Variants in MLYCD observed in about 807,000 individuals in gnomAD.
MLYCD encodes malonyl-CoA decarboxylase.
MLYCD carries 27 observed loss-of-function variants against 35.8 expected under a neutral mutation model. The observed-to-expected ratio is 0.75, with a 90% CI of 0.56 to 1.04. The LOEUF is 1.04. Among genes scored for constraint, MLYCD ranks in the 50% least tolerant of loss-of-function variants. MLYCD has a pLI of 0.00. For synonymous variants in MLYCD, 403 were observed against 302.4 expected (o/e 1.33, Z -3.45); for missense variants, 917 against 665.1 (o/e 1.38, Z -4.17).
At chr16:83,913,820 AAAC>A (rs1907271921) in intron 4 of MLYCD, 1 of 151,782 alleles carries the variant, frequency 6.6e-6, no homozygotes, top group African/African-American at 2.4e-5. Context: ...AAAAAAAAAA[AAAC>A]AGTGGTTCGG....
rs386385269 is a variant in MLYCD, at chr16:83,902,155, GTATATATATATA to G, written c.528+2507_528+2518del. On this transcript the variant is annotated intron_variant, in intron 1 of 4. Transcript: ENST00000262430. ...TATGTGTGTGTGTGTGTGTGCGTGC[GTATATATATATA>G]TATATATATATATATATATATATGG... 2.4e-3 allele frequency among the ~76,000 whole-genome samples: 206 copies of G among 87,330 alleles called. 1 individual carries two copies. Among genetic ancestry groups the G allele is most frequent in the East Asian group, 0.011 (36 of 3,196 alleles). 57.3% of individuals were successfully genotyped at this position (87,330 alleles called of 152,430 possible). A position where few individuals can be genotyped will look rare whatever the true frequency, so the allele number is the denominator to read the frequency against.
chr16:83,925,266 T>G lies in MLYCD; in HGVS notation c.*9777T>G, dbSNP rs997691622. ...GATGCCCTCCCTCCAAAACCTGGCCTCCTCCAGCTGTTCCTTCCTGGCGAG... is the reference window on the plus strand; with the variant it reads ...GATGCCCTCCCTCCAAAACCTGGCCGCCTCCAGCTGTTCCTTCCTGGCGAG... On this transcript the variant is annotated 3_prime_UTR_variant, in exon 5 of 5. Transcript: ENST00000262430. The G allele has an allele frequency of 7.9e-5, 12 of 152,584 alleles. No individual in the cohort carries two copies. Among genetic ancestry groups the G allele is most frequent in the Admixed American group, 2.0e-4 (3 of 15,276 alleles). The allele number at this position is 152,584 out of a possible 1,614,324, so 9.5% of individuals were successfully genotyped here.
In MLYCD at chr16:83,916,217, T is replaced by G. The variant is rs576113736; in HGVS notation, c.*728T>G. The G allele has an allele frequency of 2.0e-6, 2 of 987,190 alleles. No homozygotes were observed. The highest frequency in any genetic ancestry group is 3.5e-5 in the African/African-American group (2 of 57,098). The allele number at this position is 987,190 out of a possible 1,614,324, so 61.2% of individuals were successfully genotyped here. A position where few individuals can be genotyped will look rare whatever the true frequency, so the allele number is the denominator to read the frequency against. The stretch of plus-strand genomic sequence containing the variant: ...GTGTAGTGGTGGTCGTCTTTAAGAT[T>G]AGAGACCTGGGAAGGCTGGAATCAG... On this transcript the variant is annotated 3_prime_UTR_variant, in exon 5 of 5. Coordinates refer to ENST00000262430, the MANE Select transcript of MLYCD (RefSeq NM_012213.3).
chr16:83,911,556 G>GTGGTCGCCGTAT, intron 3 of MLYCD: 5 of 154,242 alleles, frequency 3.2e-5, no homozygotes, highest in Admixed American at 1.3e-4. Flanking sequence ...AGAATGAGAG[G>GTGGTCGCCGTAT]CAATAAACTC....
At chr16:83,910,361 A>C (rs1907130568) in intron 3 of MLYCD, among the ~76,000 whole-genome samples, 1 of 152,064 alleles carries the variant, frequency 6.6e-6, no homozygotes, top group Non-Finnish European at 1.5e-5. Context: ...TTTTTGCATA[A>C]GGAATCACAA....
chr16:83,910,246 T>A (rs1256746192), intron 3 of MLYCD, among the ~76,000 whole-genome samples: 1 of 151,970 alleles, frequency 6.6e-6, no homozygotes, highest in Non-Finnish European at 1.5e-5. Flanking sequence ...TTTATTCACT[T>A]AGTTTTATCA....
chr16:83,919,631 G>GACC lies in MLYCD; in HGVS notation c.*4143_*4144insCCA, dbSNP rs1245465588. On this transcript the variant is annotated 3_prime_UTR_variant, in exon 5 of 5. Coordinates refer to ENST00000262430, the MANE Select transcript of MLYCD (RefSeq NM_012213.3). ...TGCACAGAACACACGGGGCACAGGA[G>GACC]AACACACGATGCACGGAACACGGTG... is the stretch of plus-strand genomic sequence containing the variant. The GACC allele has an allele frequency of 1.3e-5, 2 of 150,342 alleles. No individual in the cohort carries two copies. Among genetic ancestry groups the GACC allele is most frequent in the East Asian group, 4.0e-4 (2 of 4,978 alleles). The allele number at this position is 150,342 out of a possible 1,614,324, so 9.3% of individuals were successfully genotyped here.
Position 83,899,188 on chromosome 16 carries a change from C to G in MLYCD, c.44C>G (p.Pro15Arg). 1.7e-6 allele frequency: 2 copies of G among 1,173,184 alleles called. No individual in the cohort carries two copies. The highest frequency in any genetic ancestry group is 2.1e-6 in the Non-Finnish European group (2 of 954,006). 72.7% of individuals were successfully genotyped at this position (1,173,184 alleles called of 1,614,324 possible). A position where few individuals can be genotyped will look rare whatever the true frequency, so the allele number is the denominator to read the frequency against. ...GPGLTARRLL[P>R]LRLPPRPPGP... is the part of the protein sequence containing the mutation. Reference sequence around the variant, plus strand: ...GGCTTGACGGCCAGGCGTCTCCTCCCGCTGCGGTTGCCCCCGCGGCCGCCC... The same window carrying G: ...GGCTTGACGGCCAGGCGTCTCCTCCGGCTGCGGTTGCCCCCGCGGCCGCCC... The change falls in exon 1 of 5, where the codon CCG becomes CGG. Residue 15 changes from proline (P) to arginine (R), a missense_variant. Physicochemically the swap from Pro to Arg is moderately radical, Grantham distance 103 (BLOSUM62 -2). Transcript: ENST00000262430.
At position 83,915,308 on chromosome 16, in the gene MLYCD, A is replaced by C. The variant is rs778367364; in HGVS notation, c.1301A>C (p.Asn434Thr). 3.7e-6 allele frequency: 6 copies of C among 1,613,898 alleles called. No individual in the cohort carries two copies. The highest frequency in any genetic ancestry group is 3.3e-5 in the South Asian group (3 of 91,084). The change falls in exon 5 of 5, where the codon AAC becomes ACC. Residue 434 changes from asparagine (N) to threonine (T), a missense_variant. Transcript: ENST00000262430. ...AACGGGGCGGTGCTGTGGCGCATCAACTGGATGGCGGATGTGAGCCTCAGA... is the reference window on the plus strand; with the variant it reads ...AACGGGGCGGTGCTGTGGCGCATCACCTGGATGGCGGATGTGAGCCTCAGA... ...LQNGAVLWRINWMADVSLRGI... is the reference protein window; with the variant it reads ...LQNGAVLWRITWMADVSLRGI...
In MLYCD at chr16:83,926,349, C is replaced by G. The variant is rs935153280; in HGVS notation, c.*10860C>G. ...CCACCCTGCACTGGGAAGGAGGGTC[C>G]CTGTCCCCGTTTGACGGGTGACGAC... On this transcript the variant is annotated 3_prime_UTR_variant, in exon 5 of 5. Transcript: ENST00000262430. 6.6e-6 allele frequency: 1 copy of G among 152,480 alleles called. No homozygotes were observed. The highest frequency in any genetic ancestry group is 1.5e-5 in the Non-Finnish European group (1 of 68,230). 9.4% of individuals were successfully genotyped at this position (152,480 alleles called of 1,614,324 possible).
intron 1 of MLYCD, 85 bp downstream of exon 1, chr16:83,899,757 C>T (rs768883658): frequency 5.4e-5 from 75 of 1,393,436 alleles, no homozygotes; most frequent in Non-Finnish European, 7.0e-5. Context: ...AAGTCCCACA[C>T]ACCCCGCCTT....
chr16:83,916,241 A>T lies in MLYCD; in HGVS notation c.*752A>T, dbSNP rs1031730529. 2.0e-6 allele frequency: 2 copies of T among 982,924 alleles called. No individual in the cohort carries two copies. The highest frequency in any genetic ancestry group is 2.8e-4 in the Middle Eastern group (1 of 3,558). The allele number at this position is 982,924 out of a possible 1,614,324, so 60.9% of individuals were successfully genotyped here. ...TTAGAGACCTGGGAAGGCTGGAATC[A>T]GCCAGCCAGCCTACGGGGAGTTTGG... On this transcript the variant is annotated 3_prime_UTR_variant, in exon 5 of 5. Transcript: ENST00000262430.
chr16:83,899,218 C>A lies in MLYCD; in HGVS notation c.74C>A (p.Pro25His). 1 of 1,220,106 alleles carries A rather than the reference C, an allele frequency of 8.2e-7. No homozygotes were observed. Among genetic ancestry groups the A allele is most frequent in the Non-Finnish European group, 1.0e-6 (1 of 983,764 alleles). 75.6% of individuals were successfully genotyped at this position (1,220,106 alleles called of 1,614,324 possible). The change falls in exon 1 of 5, where the codon CCC becomes CAC. Residue 25 changes from proline (P) to histidine (H), a missense_variant. Physicochemically the swap from Pro to His is moderately conservative, Grantham distance 77. Coordinates refer to ENST00000262430, the MANE Select transcript of MLYCD (RefSeq NM_012213.3). Reference protein sequence around the residue: ...PLRLPPRPPGPRLASGQAAGA... With the variant: ...PLRLPPRPPGHRLASGQAAGA... Reference sequence around the variant, plus strand: ...CGGTTGCCCCCGCGGCCGCCCGGGCCCCGGCTGGCGAGCGGGCAGGCGGCC... The same window carrying A: ...CGGTTGCCCCCGCGGCCGCCCGGGCACCGGCTGGCGAGCGGGCAGGCGGCC...
At chr16:83,914,759 A>C in intron 4 of MLYCD, 197 bp from the exon 5 acceptor site, 1 of 736,454 alleles carries the variant, frequency 1.4e-6, no homozygotes, top group Non-Finnish European at 2.2e-6. Context: ...AGCTAGGGCA[A>C]TAGAGCAAGA....
At chr16:83,902,606 A>T (rs566243455) in intron 1 of MLYCD, among the ~76,000 whole-genome samples, 4 of 151,412 alleles carry the variant, frequency 2.6e-5, no homozygotes, top group African/African-American at 9.7e-5. Context: ...CCCAGGTTCA[A>T]GCCATTCTCC....
In MLYCD at chr16:83,915,970, G is replaced by C; in HGVS notation, c.*481G>C. The C allele has an allele frequency of 9.6e-7, 1 of 1,042,666 alleles. No homozygotes were observed. Among genetic ancestry groups the C allele is most frequent in the South Asian group, 3.6e-5 (1 of 27,942 alleles). 64.6% of individuals were successfully genotyped at this position (1,042,666 alleles called of 1,614,324 possible). A position where few individuals can be genotyped will look rare whatever the true frequency, so the allele number is the denominator to read the frequency against. ...CACCATGCAATGCAGAGGGACAAAG[G>C]GCTGTGCTACACTTCCCAGTTACAT... On this transcript the variant is annotated 3_prime_UTR_variant, in exon 5 of 5. Transcript: ENST00000262430.
In MLYCD at chr16:83,902,276, C is replaced by G. The variant is rs1906823155; in HGVS notation, c.528+2604C>G. 1.0e-4 allele frequency among the ~76,000 whole-genome samples: 15 copies of G among 149,348 alleles called. No individual in the cohort carries two copies. In the Admixed American group the frequency reaches 1.0e-3, roughly 10 times the overall value. ...GTTTTTTCTTGTTACGTTTCCCAGGCTGGTCTTGAACTCCTGGCCTCAAGC... is the reference window on the plus strand; with the variant it reads ...GTTTTTTCTTGTTACGTTTCCCAGGGTGGTCTTGAACTCCTGGCCTCAAGC... On this transcript the variant is annotated intron_variant, in intron 1 of 4. Transcript: ENST00000262430.
Position 83,914,951 on chromosome 16 carries a change from T to C in MLYCD, c.949-5T>C. On this transcript the variant is annotated splice_polypyrimidine_tract_variant and splice_region_variant and intron_variant, in intron 4 of 4. Coordinates refer to ENST00000262430, the MANE Select transcript of MLYCD (RefSeq NM_012213.3). ...CTTCCTTTCCACCCCAACCATGCTTTACAGAGAGAGTTTCCTCACCTTGGG... is the reference window on the plus strand; with the variant it reads ...CTTCCTTTCCACCCCAACCATGCTTCACAGAGAGAGTTTCCTCACCTTGGG... 5.6e-6 allele frequency: 9 copies of C among 1,614,240 alleles called. No homozygotes were observed. The highest frequency in any genetic ancestry group is 7.6e-6 in the Non-Finnish European group (9 of 1,180,048).
In MLYCD at chr16:83,919,360, C is replaced by CACACAGTGCACAGGAGA. The variant is rs1217278568; in HGVS notation, c.*3894_*3910dup. On this transcript the variant is annotated 3_prime_UTR_variant, in exon 5 of 5. Transcript: ENST00000262430. ...CATGCACACAGTGCACAGGAGAACA[C>CACACAGTGCACAGGAGA]ACACAGTGCACAGGAGAACACAGTG... is the stretch of plus-strand genomic sequence containing the variant. The CACACAGTGCACAGGAGA allele has an allele frequency of 1.3e-5, 2 of 149,062 alleles. No individual in the cohort carries two copies. The highest frequency in any genetic ancestry group is 1.3e-4 in the Admixed American group (2 of 14,984). 9.2% of individuals were successfully genotyped at this position (149,062 alleles called of 1,614,324 possible). A position where few individuals can be genotyped will look rare whatever the true frequency, so the allele number is the denominator to read the frequency against.
Sources: allele counts gnomAD v4.1 joint callset (sites outside exome capture counted in the v4.1 genomes callset), GRCh38; gene constraint gnomAD v4.1.1; transcripts MANE v1.5; gene names NCBI Gene and HGNC (gene_info 2026-07-23, HGNC 2026-07-21).